The following FRY variants were observed in gnomAD, a reference collection of about 807,000 sequenced individuals.
FRY encodes protein furry homolog.
A neutral mutation model predicts 348.4 loss-of-function variants in FRY; 128 were observed. That is an observed-to-expected ratio of 0.37 (90% CI 0.32 to 0.43). The LOEUF (loss-of-function observed/expected upper bound fraction) is 0.43. Ranked by LOEUF, FRY falls within the 20% of genes least tolerant of loss-of-function variation. The pLI, the probability that FRY is intolerant of heterozygous loss-of-function variation, is 1.00. For synonymous variants in FRY, 1,370 were observed against 1,374.7 expected (o/e 1.00, Z 0.08); for missense variants, 2,736 against 3,695.2 (o/e 0.74, Z 6.73).
chr13:32,238,097 G>A, intron 44 of FRY, 111 bp downstream of exon 44: 1 of 1,196,754 alleles, frequency 8.4e-7, no homozygotes, highest in Non-Finnish European at 1.2e-6. Flanking sequence ...CTTAAAAATG[G>A]TTCCTTGGGA....
intron 31 of FRY, 49 bp from the exon 32 acceptor site, chr13:32,208,804 T>C (rs1470070957): frequency 6.2e-7 from 1 of 1,610,800 alleles, no homozygotes; most frequent in Non-Finnish European, 8.5e-7. Context: ...TCCATTTATT[T>C]TGGTGGAATA....
At chr13:32,176,213 A>G (rs1360618899) in intron 20 of FRY, among the ~76,000 whole-genome samples, 1 of 152,232 alleles carries the variant, frequency 6.6e-6, no homozygotes, top group African/African-American at 2.4e-5. Context: ...CACATTGGCA[A>G]CTTTCAATTT....
At chr13:32,222,002 T>G (rs957216513) in intron 36 of FRY, among the ~76,000 whole-genome samples, 1 of 151,828 alleles carries the variant, frequency 6.6e-6, no homozygotes. Context: ...TGGTGATCCA[T>G]GGGTGGAGGG....
intron 17 of FRY, among the ~76,000 whole-genome samples, chr13:32,167,143 T>C (rs1296158985): frequency 1.3e-5 from 2 of 152,242 alleles, no homozygotes; most frequent in African/African-American, 4.8e-5. Context: ...ACTTAAAGGC[T>C]TCATGAAAAT....
chr13:32,251,732 G>T, intron 49 of FRY, 146 bp from the exon 50 acceptor site: 2 of 665,346 alleles, frequency 3.0e-6, no homozygotes, highest in Non-Finnish European at 5.5e-6. Context: ...TGCTATTTGT[G>T]TTCTTTTTTC....
intron 35 of FRY, among the ~76,000 whole-genome samples, chr13:32,213,514 A>G (rs934044401): frequency 2.6e-5 from 4 of 152,250 alleles, no homozygotes; most frequent in African/African-American, 9.6e-5. Flanking sequence ...TCAGGAATGA[A>G]TAAAGGTTTT....
At chr13:32,137,487 G>A (rs1879792986) in intron 11 of FRY, among the ~76,000 whole-genome samples, 1 of 152,214 alleles carries the variant, frequency 6.6e-6, no homozygotes, top group African/African-American at 2.4e-5. Flanking sequence ...TCTTGTCACT[G>A]TCATTTGTGA....
rs1886452284 is a variant in FRY, at chr13:32,240,637, G to T, written c.6687+756G>T. On this transcript the variant is annotated intron_variant, in intron 46 of 60. Coordinates refer to ENST00000542859, the MANE Select transcript of FRY (RefSeq NM_023037.3). The stretch of plus-strand genomic sequence containing the variant: ...CAAGAGATGAAATGTATTCCGTTTA[G>T]CATCTTCAGTCTCCAACAAGTTTAT... 2.0e-5 allele frequency among the ~76,000 whole-genome samples: 3 copies of T among 152,314 alleles called. No individual in the cohort carries two copies. In the South Asian group the frequency reaches 6.2e-4, roughly 32 times the overall value.
chr13:32,292,203 G>A (rs566147263), intron 59 of FRY, among the ~76,000 whole-genome samples: 15 of 151,840 alleles, frequency 9.9e-5, no homozygotes, highest in African/African-American at 3.4e-4. Context: ...GGCTGGTCTC[G>A]AACTCCTGAC....
At chr13:32,260,063 A>T (rs1191802492) in intron 51 of FRY, among the ~76,000 whole-genome samples, 2 of 152,212 alleles carry the variant, frequency 1.3e-5, no homozygotes, top group East Asian at 3.8e-4. Context: ...TGAATAGCCC[A>T]AGCAGACTTT....
chr13:32,218,659 CAG>C (rs1344419267), intron 35 of FRY, 88 bp from the exon 36 acceptor site: 3 of 691,420 alleles, frequency 4.3e-6, no homozygotes, highest in Non-Finnish European at 7.4e-6. Context: ...AGCCTGGTGA[CAG>C]AGTGAGACTC....
chr13:32,210,900 A>C lies in FRY; in HGVS notation c.4457A>C (p.Asn1486Thr), dbSNP rs201738619. The C allele has an allele frequency of 1.2e-6, 2 of 1,614,012 alleles. No individual in the cohort carries two copies. Among genetic ancestry groups the C allele is most frequent in the East Asian group, 4.5e-5 (2 of 44,888 alleles). Residue 1486 changes from asparagine to threonine, a missense_variant, in exon 34 of 61, where the codon AAC becomes ACC. Around this residue, in one of 9 missense-constraint regions of FRY, gnomAD observed 794 missense variants for 977.0 expected, o/e 0.81. Coordinates refer to ENST00000542859, the MANE Select transcript of FRY (RefSeq NM_023037.3). ...GTGGCAATATACTTGTGCCGTAACA[A>C]CACCATTCAAACCATGGAAGAGCTT... Reference protein sequence around the residue: ...KKVAIYLCRNNTIQTMEELLF... With the variant: ...KKVAIYLCRNTTIQTMEELLF...
chr13:32,243,728 C>T (rs1886630060), intron 46 of FRY, among the ~76,000 whole-genome samples: 1 of 152,202 alleles, frequency 6.6e-6, no homozygotes, highest in African/African-American at 2.4e-5. Context: ...TACACCTCCA[C>T]ACATGATATA....
At chr13:32,061,016 C>T (rs1178589680) in intron 1 of FRY, 1 of 488,584 alleles carries the variant, frequency 2.0e-6, no homozygotes, top group African/African-American at 2.0e-5. Context: ...GCAACAGGAC[C>T]ATGGAGCCCA....
intron 1 of FRY, among the ~76,000 whole-genome samples, chr13:32,050,777 A>T (rs1337497751): frequency 6.6e-6 from 1 of 152,220 alleles, no homozygotes; most frequent in Non-Finnish European, 1.5e-5. Context: ...TTATTACATG[A>T]TGGCATCACA....
At chr13:32,044,658 T>G (rs1566042516) in intron 1 of FRY, among the ~76,000 whole-genome samples, 1 of 152,168 alleles carries the variant, frequency 6.6e-6, no homozygotes, top group Non-Finnish European at 1.5e-5. Context: ...CCAAAACATC[T>G]GAAAGAGCCA....
intron 42 of FRY, 30 bp from the exon 43 acceptor site, chr13:32,236,048 T>C: frequency 7.0e-7 from 1 of 1,424,046 alleles, no homozygotes; most frequent in Non-Finnish European, 9.9e-7. Context: ...TTACAAGCAA[T>C]ACAAAATGCT....
chr13:32,035,030 C>T (rs1872439187), intron 1 of FRY, among the ~76,000 whole-genome samples: 1 of 152,182 alleles, frequency 6.6e-6, no homozygotes, highest in Non-Finnish European at 1.5e-5. Flanking sequence ...ATAATGGGTA[C>T]CTCATAGGAG....
In FRY at chr13:32,124,696, C is replaced by G. The variant is rs1466906084; in HGVS notation, c.635+15C>G. The G allele has an allele frequency of 6.5e-7, 1 of 1,539,852 alleles. No homozygotes were observed. Among genetic ancestry groups the G allele is most frequent in the Admixed American group, 1.7e-5 (1 of 59,894 alleles). The stretch of plus-strand genomic sequence containing the variant: ...TACAAAGAAGGGTAAGATGATTTCT[C>G]ACCTTAGAATGTTGAAGTTGGTGTT... On this transcript the variant is annotated intron_variant, in intron 6 of 60. Coordinates refer to ENST00000542859, the MANE Select transcript of FRY (RefSeq NM_023037.3).
Sources: gnomAD v4.1 joint callset for allele counts (sites outside exome capture counted in the v4.1 genomes callset) on GRCh38, gnomAD v4.1.1 for gene constraint, gnomAD v4.1.1 regional missense constraint, MANE v1.5 for transcripts, NCBI Gene and HGNC (gene_info 2026-07-23, HGNC 2026-07-21) for gene names.